Variants in NGDN observed in about 807,000 individuals in gnomAD.
NGDN encodes EIF4E-binding protein.
In NGDN, 41 loss-of-function variants were observed where a neutral mutation model predicts 45.2. That is an observed-to-expected ratio of 0.91 (90% confidence interval 0.71 to 1.18). NGDN has a LOEUF of 1.18. Among genes scored for constraint, NGDN ranks in the 50% most tolerant of loss-of-function variants. The pLI is 0.00. For missense variants in NGDN, 402 were observed against 399.9 expected (o/e 1.01, Z -0.05); for synonymous variants, 137 against 130.9 (o/e 1.05, Z -0.32).
At chr14:23,477,711 C>T in intron 10 of NGDN, 151 bp downstream of exon 10, 1 of 1,467,462 alleles carries the variant, frequency 6.8e-7, no homozygotes, top group Non-Finnish European at 9.0e-7. Flanking sequence ...TTATTTTTTG[C>T]TTTCCTGAGC....
At chr14:23,469,921 G>C in intron 1 of NGDN, 121 bp from the exon 2 acceptor site, 1 of 1,248,564 alleles carries the variant, frequency 8.0e-7, no homozygotes, top group Non-Finnish European at 1.1e-6. Context: ...GAACCCGAGT[G>C]TGAAGGCCCC....
chr14:23,473,918 G>A lies in NGDN; in HGVS notation c.145-1253G>A, dbSNP rs1566550603. Among the ~76,000 whole-genome samples the A allele has an allele frequency of 2.6e-5, 4 of 151,590 alleles. No homozygotes were observed. The South Asian group carries it at 8.3e-4, about 32-fold the overall frequency. On this transcript the variant is annotated intron_variant, in intron 3 of 10. Transcript: ENST00000408901. ...CCGGGCGTGGTGGGAGGCACCTGTAGTCCCAGCTACTTGGGATGCTGAGGC... is the reference window on the plus strand; with the variant it reads ...CCGGGCGTGGTGGGAGGCACCTGTAATCCCAGCTACTTGGGATGCTGAGGC...
In NGDN at chr14:23,476,241, G is replaced by A. The variant is rs1224814444; in HGVS notation, c.547G>A (p.Glu183Lys). 1 of 1,614,076 alleles carries A rather than the reference G, an allele frequency of 6.2e-7. No individual in the cohort carries two copies. The change falls in exon 8 of 11, where the codon GAA (glutamate) becomes AAA (lysine). Residue 183 changes from glutamate to lysine, a missense_variant and splice_region_variant. By Grantham distance (56) the Glu-to-Lys change is moderately conservative. Coordinates refer to ENST00000408901, the MANE Select transcript of NGDN (RefSeq NM_001042635.2). ...PPRLVPVHYD[E>K]TEAEREKKRL... is the part of the protein sequence containing the mutation. Reference sequence around the variant, plus strand: ...CCCTGCTTATTTTCATCATGTAGATGAAACAGAAGCTGAGCGGGAGAAGAA... The same window carrying A: ...CCCTGCTTATTTTCATCATGTAGATAAAACAGAAGCTGAGCGGGAGAAGAA...
In NGDN at chr14:23,475,151, T is replaced by C; in HGVS notation, c.145-20T>C. The C allele has an allele frequency of 6.3e-7, 1 of 1,595,310 alleles. No homozygotes were observed. The highest frequency in any genetic ancestry group is 1.1e-5 in the South Asian group (1 of 87,558). The stretch of plus-strand genomic sequence containing the variant: ...TGGCTAAAACCAAATCTGTTTTTCT[T>C]TCTGTTTTGTTCAACTCAGGGTCTC... On this transcript the variant is annotated intron_variant, in intron 3 of 10. Coordinates refer to ENST00000408901, the MANE Select transcript of NGDN (RefSeq NM_001042635.2).
In NGDN at chr14:23,469,734, T is replaced by A; in HGVS notation, c.12+7T>A. The A allele has an allele frequency of 6.2e-7, 1 of 1,614,022 alleles. No individual in the cohort carries two copies. The highest frequency in any genetic ancestry group is 8.5e-7 in the Non-Finnish European group (1 of 1,179,980). The stretch of plus-strand genomic sequence containing the variant: ...TGCGAAGATGGCGGCGCTGGTGAGT[T>A]TGGTGTGGTTTCTTCCTCGCGTAGC... On this transcript the variant is annotated splice_region_variant and intron_variant, in intron 1 of 10. Transcript: ENST00000408901.
intron 1 of NGDN, 121 bp downstream of exon 1, chr14:23,469,848 G>A (rs1043360048): frequency 2.2e-6 from 3 of 1,370,622 alleles, no homozygotes; most frequent in Admixed American, 1.8e-5. Flanking sequence ...TCAGGGAGGC[G>A]GCCTCCCTAG....
chr14:23,477,801 A>G (rs1893939082), intron 10 of NGDN: 2 of 1,459,306 alleles, frequency 1.4e-6, no homozygotes, highest in Non-Finnish European at 9.0e-7. Context: ...GCTTCCCTAA[A>G]TAGAACTGGT....
intron 3 of NGDN, among the ~76,000 whole-genome samples, chr14:23,474,897 A>T (rs1360717070): frequency 6.6e-6 from 1 of 152,184 alleles, no homozygotes; most frequent in African/African-American, 2.4e-5. Context: ...TGAGATTGAG[A>T]AACCCTGTTA....
rs74039338 is a variant in NGDN, at chr14:23,477,990, G to T, written c.929-17G>T. ...CCAACTGTCCTTTGCCTCATTCTTG[G>T]TTTCCCTTCCTTTCAGGTTTTCGGA... On this transcript the variant is annotated splice_polypyrimidine_tract_variant and intron_variant, in intron 10 of 10. Coordinates refer to ENST00000408901, the MANE Select transcript of NGDN (RefSeq NM_001042635.2). The T allele has an allele frequency of 6.2e-7, 1 of 1,613,950 alleles. No individual in the cohort carries two copies. Among genetic ancestry groups the T allele is most frequent in the South Asian group, 1.1e-5 (1 of 91,058 alleles).
chr14:23,478,093 T>C lies in NGDN; in HGVS notation c.*67T>C. 7.0e-7 allele frequency: 1 copy of C among 1,438,042 alleles called. No individual in the cohort carries two copies. 89.1% of individuals were successfully genotyped at this position (1,438,042 alleles called of 1,614,324 possible). A position where few individuals can be genotyped will look rare whatever the true frequency, so the allele number is the denominator to read the frequency against. ...TACTTCTAATTTCATTGTATATAGG[T>C]GGTTTTCCCTGGAATTCATTAATTG... On this transcript the variant is annotated 3_prime_UTR_variant, in exon 11 of 11. Transcript: ENST00000408901.
Sources: gnomAD v4.1 joint callset for allele counts (sites outside exome capture counted in the v4.1 genomes callset) on GRCh38, gnomAD v4.1.1 for gene constraint, MANE v1.5 for transcripts, NCBI Gene and HGNC (gene_info 2026-07-23, HGNC 2026-07-21) for gene names.